Variants in TEX14 observed in about 807,000 individuals in gnomAD.
TEX14 encodes the protein testis expressed 14, intercellular bridge forming factor.
A neutral mutation model predicts 178.6 loss-of-function variants in TEX14; 168 were observed. The observed-to-expected ratio is 0.94, with a 90% CI of 0.83 to 1.07. The LOEUF is 1.07. Ranked by LOEUF, TEX14 falls within the 50% of genes least tolerant of loss-of-function variation. TEX14 has a pLI of 0.00. For missense variants in TEX14, 1,730 were observed against 1,753.6 expected (o/e 0.99, Z 0.24); for synonymous variants, 626 against 634.1 (o/e 0.99, Z 0.19).
chr17:58,646,309 T>C (rs1372588557), intron 2 of TEX14, among the ~76,000 whole-genome samples: 2 of 152,196 alleles, frequency 1.3e-5, no homozygotes, highest in Non-Finnish European at 2.9e-5. Context: ...TGGGAGTTTT[T>C]ACATCGAACC....
chr17:58,604,908 C>T, intron 11 of TEX14, 70 bp downstream of exon 11: 1 of 1,541,868 alleles, frequency 6.5e-7, no homozygotes, highest in African/African-American at 1.4e-5. Flanking sequence ...AAGTCAGTAA[C>T]TCCTGTGGGG....
intron 1 of TEX14, chr17:58,661,722 G>A: frequency 1.7e-6 from 1 of 574,754 alleles, no homozygotes; most frequent in South Asian, 2.3e-5. Flanking sequence ...CAGGGAGGCG[G>A]TGGCGTTGGG....
At chr17:58,580,483 T>C (rs1403805125) in intron 19 of TEX14, among the ~76,000 whole-genome samples, 1 of 152,154 alleles carries the variant, frequency 6.6e-6, no homozygotes, top group Non-Finnish European at 1.5e-5. Context: ...GGTTAATTTT[T>C]GTATTTTTAG....
At chr17:58,679,943 T>C (rs977020286) in intron 1 of TEX14, among the ~76,000 whole-genome samples, 1 of 152,164 alleles carries the variant, frequency 6.6e-6, no homozygotes, top group African/African-American at 2.4e-5. Context: ...TCTCATTCAG[T>C]ATGTCCTTTC....
intron 19 of TEX14, among the ~76,000 whole-genome samples, chr17:58,582,208 C>T (rs2044838553): frequency 6.6e-6 from 1 of 152,102 alleles, no homozygotes; most frequent in Non-Finnish European, 1.5e-5. Context: ...TTAAAAACAG[C>T]AATGTAGTCT....
chr17:58,624,639 G>A (rs769548757), intron 3 of TEX14, among the ~76,000 whole-genome samples: 2 of 152,050 alleles, frequency 1.3e-5, no homozygotes, highest in African/African-American at 2.4e-5. Flanking sequence ...ACCGCGCCCA[G>A]CCTTCATATT....
chr17:58,631,659 T>C (rs1320036541), intron 2 of TEX14: 1 of 150,092 alleles, frequency 6.7e-6, no homozygotes, highest in East Asian at 1.9e-4. Context: ...GACTGCCTTC[T>C]CTAGAGAAGA....
chr17:58,613,635 A>C, intron 8 of TEX14, 91 bp from the exon 9 acceptor site: 1 of 1,323,910 alleles, frequency 7.6e-7, no homozygotes, highest in Non-Finnish European at 1.1e-6. Context: ...TTCTAAACAA[A>C]TACCATTTGT....
At chr17:58,581,640 A>G in intron 19 of TEX14, 1 of 1,614,010 alleles carries the variant, frequency 6.2e-7, no homozygotes, top group Non-Finnish European at 8.5e-7. Flanking sequence ...TGAGCAGTCG[A>G]GGAGTAAAAA....
intron 2 of TEX14, among the ~76,000 whole-genome samples, chr17:58,636,649 C>T (rs1052105009): frequency 2.6e-5 from 4 of 152,030 alleles, no homozygotes; most frequent in Non-Finnish European, 5.9e-5. Flanking sequence ...TATTTGGGGC[C>T]GGGGGTGGTG....
intron 1 of TEX14, among the ~76,000 whole-genome samples, chr17:58,652,309 A>G (rs1028651565): frequency 3.3e-5 from 5 of 152,186 alleles, no homozygotes; most frequent in Non-Finnish European, 7.3e-5. Context: ...TGTAGTTCCC[A>G]TAATCCCCAC....
In TEX14 at chr17:58,644,308, T is replaced by C. The variant is rs114511740; in HGVS notation, c.136+7558A>G. Among the ~76,000 whole-genome samples, 738 of 152,266 alleles carry C rather than the reference T, an allele frequency of 4.8e-3. 2 individuals carry two copies. Among genetic ancestry groups the C allele is most frequent in the African/African-American group, 0.017 (717 of 41,566 alleles). On this transcript the variant is annotated intron_variant, in intron 2 of 31. Coordinates refer to ENST00000349033, the MANE Select transcript of TEX14 (RefSeq NM_031272.5). ...CTCCCCCTACACCTACATAAAACCC[T>C]GGGTATCTCTTACTTTTGGCTGTTT... is the stretch of plus-strand genomic sequence containing the variant.
intron 21 of TEX14, 32 bp downstream of exon 21, chr17:58,577,343 T>C (rs746225138): frequency 1.9e-5 from 18 of 969,590 alleles, no homozygotes; most frequent in Non-Finnish European, 2.3e-5. Flanking sequence ...ATCTATGAGT[T>C]TGAAACTGCA....
At chr17:58,642,532 A>AT (rs202088724) in intron 2 of TEX14, among the ~76,000 whole-genome samples, 15 of 149,914 alleles carry the variant, frequency 1.0e-4, no homozygotes, top group African/African-American at 3.5e-4. Context: ...ATTTTATTTT[A>AT]TTTATTTTTT....
chr17:58,609,736 T>C (rs771516013), intron 10 of TEX14, among the ~76,000 whole-genome samples: 1 of 152,196 alleles, frequency 6.6e-6, no homozygotes, highest in Non-Finnish European at 1.5e-5. Flanking sequence ...TCTGGGGAAG[T>C]GAGAGCCTTT....
intron 14 of TEX14, among the ~76,000 whole-genome samples, chr17:58,598,638 A>T (rs1411537685): frequency 3.9e-5 from 6 of 152,162 alleles, no homozygotes; most frequent in Non-Finnish European, 5.9e-5. Flanking sequence ...AGCTAAGAGC[A>T]CCTTGCTATG....
chr17:58,597,094 A>T (rs371237316), intron 14 of TEX14, among the ~76,000 whole-genome samples: 29 of 152,206 alleles, frequency 1.9e-4, no homozygotes, highest in Middle Eastern at 6.8e-3. Context: ...TCTTCCCTGT[A>T]TAGGCAATAA....
intron 1 of TEX14, among the ~76,000 whole-genome samples, chr17:58,681,418 A>G (rs924967707): frequency 3.3e-5 from 5 of 152,182 alleles, no homozygotes; most frequent in Admixed American, 3.3e-4. Context: ...TGATGTTCTG[A>G]CAGTCTATCA....
intron 5 of TEX14, among the ~76,000 whole-genome samples, chr17:58,618,267 G>C (rs1406979728): frequency 6.6e-6 from 1 of 152,146 alleles, no homozygotes; most frequent in African/African-American, 2.4e-5. Context: ...AAATACAGAT[G>C]GTCAGAGTTG....
Sources: gnomAD v4.1 joint callset for allele counts (sites outside exome capture counted in the v4.1 genomes callset) on GRCh38, gnomAD v4.1.1 for gene constraint, MANE v1.5 for transcripts, NCBI Gene and HGNC (gene_info 2026-07-23, HGNC 2026-07-21) for gene names.